The following DIP2C variants were observed in gnomAD, a reference collection of about 807,000 sequenced individuals.
The protein encoded by DIP2C is disco-interacting protein 2 homolog C.
Under a neutral mutation model 192.4 loss-of-function variants are expected in DIP2C, and 33 were observed. The observed-to-expected ratio is 0.17, with a 90% CI of 0.13 to 0.23. The LOEUF is 0.23. Among genes scored for constraint, DIP2C ranks in the 10% least tolerant of loss-of-function variants. DIP2C has a pLI of 1.00. For missense variants in DIP2C, 1,537 were observed against 2,110.1 expected (o/e 0.73, Z 5.32); for synonymous variants, 979 against 864.1 (o/e 1.13, Z -2.33).
At chr10:525,257 G>T (rs898880157) in intron 1 of DIP2C, among the ~76,000 whole-genome samples, 13 of 152,168 alleles carry the variant, frequency 8.5e-5, no homozygotes, top group Admixed American at 6.5e-4. Flanking sequence ...AACCGAGATA[G>T]AATTTGACTT....
chr10:351,956 C>T (rs1389033094), intron 24 of DIP2C, among the ~76,000 whole-genome samples: 2 of 152,348 alleles, frequency 1.3e-5, no homozygotes, highest in South Asian at 2.1e-4. Context: ...AAAACCAGCA[C>T]ACCACCCATC....
intron 1 of DIP2C, among the ~76,000 whole-genome samples, chr10:590,401 G>A (rs1220295838): frequency 2.0e-5 from 3 of 152,240 alleles, no homozygotes; most frequent in African/African-American, 7.2e-5. Flanking sequence ...CGCCCACACT[G>A]AGCATCTTCT....
chr10:514,442 T>C (rs1846223196), intron 1 of DIP2C, among the ~76,000 whole-genome samples: 1 of 152,172 alleles, frequency 6.6e-6, no homozygotes, highest in Admixed American at 6.5e-5. Flanking sequence ...GTCTTCTTTG[T>C]CCGAGGAATT....
Position 652,304 on chromosome 10 carries a change from G to T in DIP2C, c.85+37190C>A. The T allele has an allele frequency of 4.8e-6, 1 of 209,964 alleles. No homozygotes were observed. Among genetic ancestry groups the T allele is most frequent in the Non-Finnish European group, 9.7e-6 (1 of 103,260 alleles). 13.0% of individuals were successfully genotyped at this position (209,964 alleles called of 1,614,324 possible). A position where few individuals can be genotyped will look rare whatever the true frequency, so the allele number is the denominator to read the frequency against. On this transcript the variant is annotated intron_variant, in intron 1 of 36. Transcript: ENST00000280886. The surrounding 1 kb of genome is among the most constrained non-coding windows in gnomAD (Gnocchi z 4.5). ...CTCCATCCTGAGGGCATCTTCCTCG[G>T]CATCTTCCTCCATCGACAGCAGCCT...
chr10:418,992 G>GT (rs1454849525), intron 6 of DIP2C, 73 bp downstream of exon 6: 1 of 1,595,184 alleles, frequency 6.3e-7, no homozygotes. Context: ...AACACATCCA[G>GT]TCATGGGCAC....
intron 1 of DIP2C, among the ~76,000 whole-genome samples, chr10:573,962 A>T (rs1443734764): frequency 6.6e-6 from 1 of 152,200 alleles, no homozygotes; most frequent in African/African-American, 2.4e-5. Context: ...TCAGATTCCA[A>T]ACACGTTCTG....
intron 1 of DIP2C, among the ~76,000 whole-genome samples, chr10:558,717 C>T (rs956322090): frequency 4.6e-5 from 7 of 152,144 alleles, no homozygotes; most frequent in African/African-American, 7.2e-5. Context: ...CTATACAGGC[C>T]GCCTATGTCA....
At chr10:536,865 T>G (rs1847724105) in intron 1 of DIP2C, among the ~76,000 whole-genome samples, 1 of 152,228 alleles carries the variant, frequency 6.6e-6, no homozygotes, top group Admixed American at 6.5e-5. Flanking sequence ...ACCCCCCAGT[T>G]CTGTGTTCTA....
chr10:412,769 T>C (rs947972292), intron 8 of DIP2C, among the ~76,000 whole-genome samples: 18 of 152,168 alleles, frequency 1.2e-4, no homozygotes, highest in South Asian at 2.1e-4. Context: ...ATTCCTTTCC[T>C]ACCTGCAATC....
intron 1 of DIP2C, among the ~76,000 whole-genome samples, chr10:599,962 G>GC: frequency 6.6e-6 from 1 of 152,128 alleles, no homozygotes; most frequent in East Asian, 1.9e-4. Context: ...GCAGGAGGGG[G>GC]CTTCCAGGAC....
At chr10:628,829 G>A (rs755949165) in intron 1 of DIP2C, 1 of 152,300 alleles carries the variant, frequency 6.6e-6, no homozygotes, top group Non-Finnish European at 1.5e-5. Flanking sequence ...CCAGCTGGGG[G>A]ACTATCCTGG....
At chr10:531,728 C>T (rs750859368) in intron 1 of DIP2C, among the ~76,000 whole-genome samples, 6 of 152,034 alleles carry the variant, frequency 3.9e-5, no homozygotes, top group Non-Finnish European at 5.9e-5. Flanking sequence ...AGATATCATA[C>T]GCTCTGCCGC....
At chr10:334,121 A>G (rs993474418) in intron 29 of DIP2C, among the ~76,000 whole-genome samples, 2 of 152,046 alleles carry the variant, frequency 1.3e-5, no homozygotes, top group South Asian at 2.1e-4. Context: ...CCTGGCCAAC[A>G]TGGCAAAACA....
intron 1 of DIP2C, among the ~76,000 whole-genome samples, chr10:626,766 T>A (rs1404880615): frequency 1.4e-5 from 2 of 139,646 alleles, no homozygotes; most frequent in Non-Finnish European, 3.0e-5. Flanking sequence ...CTCTCACTGT[T>A]GCCCAGGAAG....
intron 1 of DIP2C, among the ~76,000 whole-genome samples, chr10:492,156 G>A (rs917014603): frequency 3.9e-5 from 6 of 152,212 alleles, no homozygotes; most frequent in African/African-American, 1.4e-4. Flanking sequence ...AGACACTCCA[G>A]CTCTGGGGCT....
intron 31 of DIP2C, among the ~76,000 whole-genome samples, chr10:315,367 A>G (rs2132352159): frequency 6.6e-6 from 1 of 152,196 alleles, no homozygotes; most frequent in Middle Eastern, 3.4e-3. Context: ...GCTATCATTT[A>G]TTTTCATCCT....
At chr10:280,411 C>G (rs1273806534) in intron 36 of DIP2C, among the ~76,000 whole-genome samples, 1 of 152,092 alleles carries the variant, frequency 6.6e-6, no homozygotes, top group Non-Finnish European at 1.5e-5. Flanking sequence ...GGTCTGTTAT[C>G]AAGGGAATGA....
At chr10:627,302 G>A (rs1043527080) in intron 1 of DIP2C, among the ~76,000 whole-genome samples, 1 of 152,144 alleles carries the variant, frequency 6.6e-6, no homozygotes, top group Admixed American at 6.5e-5. Flanking sequence ...AAACCCTCCC[G>A]ACACCTCCCT....
At chr10:569,719 C>T (rs537244354) in intron 1 of DIP2C, among the ~76,000 whole-genome samples, 3 of 152,282 alleles carry the variant, frequency 2.0e-5, no homozygotes, top group Middle Eastern at 3.4e-3. Flanking sequence ...AATCAGCCAT[C>T]GTCACCATGA....
Sources: allele counts gnomAD v4.1 joint callset (sites outside exome capture counted in the v4.1 genomes callset), GRCh38; gene constraint gnomAD v4.1.1; non-coding constraint Gnocchi (gnomAD v3.1); transcripts MANE v1.5; gene names NCBI Gene and HGNC (gene_info 2026-07-23, HGNC 2026-07-21).